Variants in NAALADL2 observed in about 807,000 individuals in gnomAD.
NAALADL2 encodes the protein N-acetylated alpha-linked acidic dipeptidase like 2.
NAALADL2 carries 76 observed loss-of-function variants against 87.2 expected under a neutral mutation model. The ratio of observed to expected loss-of-function variants is 0.87; its 90% CI spans 0.72 to 1.05. The LOEUF (loss-of-function observed/expected upper bound fraction) is 1.05. NAALADL2 is among the 50% of genes least tolerant of loss of function. The pLI is 0.00. For synonymous variants in NAALADL2, 354 were observed against 331.0 expected, an observed-to-expected ratio of 1.07 and a Z score of -0.75; for missense variants, 1,089 against 945.8, an observed-to-expected ratio of 1.15 and a Z score of -1.99.
intron 1 of NAALADL2, among the ~76,000 whole-genome samples, chr3:174,508,809 A>C (rs933093477): frequency 1.3e-5 from 2 of 152,182 alleles, no homozygotes. Context: ...GCACTTTGGG[A>C]GGCCGAGGTG....
intron 9 of NAALADL2, among the ~76,000 whole-genome samples, chr3:175,551,820 C>T (rs569712483): frequency 2.6e-5 from 4 of 151,258 alleles, no homozygotes; most frequent in African/African-American, 9.7e-5. Flanking sequence ...ATGGCGTGAA[C>T]CTGGGAGGCG....
At chr3:174,641,582 C>T (rs951018948) in intron 2 of NAALADL2, among the ~76,000 whole-genome samples, 1 of 152,082 alleles carries the variant, frequency 6.6e-6, no homozygotes, top group Admixed American at 6.5e-5. Flanking sequence ...GAATTCAACA[C>T]GTCAATGTAC....
chr3:175,204,698 A>G (rs552949578), intron 2 of NAALADL2, among the ~76,000 whole-genome samples: 15 of 152,112 alleles, frequency 9.9e-5, no homozygotes, highest in Non-Finnish European at 2.2e-4. Context: ...GAAAACCCCA[A>G]GAACTTCTCC....
At chr3:175,222,691 C>A (rs1743559245) in intron 2 of NAALADL2, among the ~76,000 whole-genome samples, 1 of 151,892 alleles carries the variant, frequency 6.6e-6, no homozygotes, top group African/African-American at 2.4e-5. Context: ...CTTCAAACTG[C>A]TTATGTTTTT....
chr3:175,738,149 A>C (rs1283263766), intron 12 of NAALADL2, among the ~76,000 whole-genome samples: 1 of 152,176 alleles, frequency 6.6e-6, no homozygotes, highest in Non-Finnish European at 1.5e-5. Flanking sequence ...CTTCTCAATA[A>C]AAAAGTCAAT....
intron 1 of NAALADL2, among the ~76,000 whole-genome samples, chr3:175,015,473 T>A (rs187761387): frequency 1.2e-3 from 179 of 152,260 alleles, no homozygotes; most frequent in Middle Eastern, 0.01. Context: ...GACTTTTTTT[T>A]ATCTTCTTGC....
chr3:174,736,644 A>G (rs1475018937), intron 2 of NAALADL2, among the ~76,000 whole-genome samples: 5 of 152,094 alleles, frequency 3.3e-5, no homozygotes, highest in Admixed American at 1.3e-4. Flanking sequence ...GAGGAAGTGC[A>G]TACTGATTGG....
At position 175,652,479 on chromosome 3, in the gene NAALADL2, C is replaced by CTT. The variant is rs771774912; in HGVS notation, c.1896+25109_1896+25110dup. On this transcript the variant is annotated intron_variant, in intron 11 of 13. Coordinates refer to ENST00000454872, the MANE Select transcript of NAALADL2 (RefSeq NM_207015.3). Reference sequence around the variant, plus strand: ...TAGGACTGTTTATTTTCTTTTCTTTCTTTTTTTTTTTTTTTTTGAGATGGA... The same window carrying CTT: ...TAGGACTGTTTATTTTCTTTTCTTTCTTTTTTTTTTTTTTTTTTTGAGATGGA... 9.6e-3 allele frequency among the ~76,000 whole-genome samples: 1,270 copies of CTT among 132,366 alleles called. 35 individuals carry two copies. Among genetic ancestry groups the CTT allele is most frequent in the African/African-American group, 0.03 (1,062 of 35,286 alleles). 86.8% of individuals were successfully genotyped at this position (132,366 alleles called of 152,430 possible).
At chr3:175,122,397 C>A (rs1455874911) in intron 2 of NAALADL2, among the ~76,000 whole-genome samples, 1 of 151,836 alleles carries the variant, frequency 6.6e-6, no homozygotes, top group East Asian at 1.9e-4. Context: ...CTTTTAAATG[C>A]TCCTGAAAGG....
chr3:175,560,143 C>T (rs1421500521), intron 9 of NAALADL2, among the ~76,000 whole-genome samples: 1 of 152,040 alleles, frequency 6.6e-6, no homozygotes, highest in Admixed American at 6.6e-5. Flanking sequence ...TTTTGAATTT[C>T]TTCATGATTA....
chr3:175,579,630 C>T (rs1719451495), intron 10 of NAALADL2, among the ~76,000 whole-genome samples: 1 of 152,136 alleles, frequency 6.6e-6, no homozygotes, highest in African/African-American at 2.4e-5. Flanking sequence ...CAGTTGTAAG[C>T]TTCATTTAAA....
intron 5 of NAALADL2, among the ~76,000 whole-genome samples, chr3:175,324,727 A>C (rs1294526633): frequency 6.6e-6 from 1 of 152,186 alleles, no homozygotes; most frequent in Non-Finnish European, 1.5e-5. Context: ...CAGGGTTTAG[A>C]GGTACATATG....
chr3:174,728,351 C>T (rs1732399044), intron 2 of NAALADL2, among the ~76,000 whole-genome samples: 1 of 151,890 alleles, frequency 6.6e-6, no homozygotes, highest in African/African-American at 2.4e-5. Flanking sequence ...TGGTAAGTCA[C>T]AAATTTGAAA....
intron 4 of NAALADL2, among the ~76,000 whole-genome samples, chr3:175,266,300 AAC>A (rs1442171091): frequency 6.6e-6 from 1 of 151,280 alleles, no homozygotes; most frequent in African/African-American, 2.4e-5. Flanking sequence ...TTAAACATAC[AAC>A]ACAAAATTTT....
chr3:174,636,654 A>T (rs932586439), intron 2 of NAALADL2, among the ~76,000 whole-genome samples: 1 of 152,162 alleles, frequency 6.6e-6, no homozygotes, highest in Non-Finnish European at 1.5e-5. Flanking sequence ...TCAGAAAAAG[A>T]ACGGATGTTG....
chr3:175,656,163 T>C (rs1017018542), intron 11 of NAALADL2, among the ~76,000 whole-genome samples: 1 of 152,186 alleles, frequency 6.6e-6, no homozygotes, highest in Admixed American at 6.5e-5. Flanking sequence ...AGCCTAAATA[T>C]TGGATAACGA....
At chr3:174,878,930 G>A (rs1353716712) in intron 1 of NAALADL2, among the ~76,000 whole-genome samples, 2 of 151,948 alleles carry the variant, frequency 1.3e-5, no homozygotes, top group Admixed American at 6.6e-5. Flanking sequence ...GGCCTTTATT[G>A]GCCTTGAATA....
intron 5 of NAALADL2, among the ~76,000 whole-genome samples, chr3:175,403,679 T>G (rs1711781669): frequency 6.6e-6 from 1 of 152,072 alleles, no homozygotes; most frequent in African/African-American, 2.4e-5. Flanking sequence ...AATCACAAAC[T>G]TTGATATATT....
At chr3:175,473,618 A>G (rs1029101798) in intron 9 of NAALADL2, among the ~76,000 whole-genome samples, 3 of 151,806 alleles carry the variant, frequency 2.0e-5, no homozygotes, top group South Asian at 4.1e-4. Context: ...AAAAAATTAT[A>G]TATTTTTAAA....
Sources: allele counts gnomAD v4.1 joint callset (sites outside exome capture counted in the v4.1 genomes callset), GRCh38; gene constraint gnomAD v4.1.1; transcripts MANE v1.5; gene names NCBI Gene and HGNC (gene_info 2026-07-23, HGNC 2026-07-21).